FRMD4A: variants seen among roughly 807,000 people sequenced by gnomAD.
The protein encoded by FRMD4A is FERM domain containing 4A, also known as FERM domain-containing protein 4A.
Under a neutral mutation model 129.1 loss-of-function variants are expected in FRMD4A, and 29 were observed. The observed-to-expected ratio is 0.22, with a 90% CI of 0.17 to 0.31. The LOEUF is 0.31. FRMD4A is among the 10% of genes least tolerant of loss of function. The pLI, the probability that FRMD4A is intolerant of heterozygous loss-of-function variation, is 1.00. For synonymous variants in FRMD4A, 634 were observed against 571.6 expected (o/e 1.11, Z -1.56); for missense variants, 1,272 against 1,375.8 (o/e 0.92, Z 1.19).
chr10:13,890,739 A>T, intron 2 of FRMD4A: 1 of 985,400 alleles, frequency 1.0e-6, no homozygotes. Context: ...TGGTGGGGTC[A>T]GGGAGTCCTT....
chr10:14,206,606 T>C (rs1842786496), intron 2 of FRMD4A, among the ~76,000 whole-genome samples: 1 of 151,790 alleles, frequency 6.6e-6, no homozygotes, highest in Non-Finnish European at 1.5e-5. Context: ...ATGACCAGCC[T>C]GGGCAACACG....
chr10:14,297,547 GC>G (rs546212966), intron 2 of FRMD4A, among the ~76,000 whole-genome samples: 52 of 152,302 alleles, frequency 3.4e-4, no homozygotes, highest in African/African-American at 1.1e-3. Flanking sequence ...TGTCTTCAAT[GC>G]TTCCTACCTC....
intron 5 of FRMD4A, among the ~76,000 whole-genome samples, chr10:13,785,042 C>T (rs1164452019): frequency 6.7e-6 from 1 of 149,882 alleles, no homozygotes; most frequent in East Asian, 1.9e-4. Context: ...GATAATAATG[C>T]TACTGTTGCA....
chr10:14,261,189 G>A (rs1369842668), intron 2 of FRMD4A, among the ~76,000 whole-genome samples: 3 of 152,202 alleles, frequency 2.0e-5, no homozygotes, highest in African/African-American at 7.2e-5. Flanking sequence ...CTTGGAGAGA[G>A]TGGCTGCGTG....
intron 15 of FRMD4A, 90 bp from the exon 16 acceptor site, chr10:13,675,134 G>A: frequency 8.3e-7 from 1 of 1,209,354 alleles, no homozygotes; most frequent in Non-Finnish European, 1.2e-6. Context: ...ATGCTGCGGA[G>A]ATGGGATTTA....
intron 2 of FRMD4A, among the ~76,000 whole-genome samples, chr10:14,200,504 G>A (rs1411913504): frequency 6.6e-6 from 1 of 152,182 alleles, no homozygotes; most frequent in East Asian, 1.9e-4. Context: ...TGTTGGCCAG[G>A]CTGATCTCGA....
At chr10:14,109,515 C>T (rs1349231974) in intron 2 of FRMD4A, among the ~76,000 whole-genome samples, 2 of 152,182 alleles carry the variant, frequency 1.3e-5, no homozygotes, top group African/African-American at 4.8e-5. Flanking sequence ...CTGTCATCCC[C>T]TGCACTTAAA....
intron 14 of FRMD4A, among the ~76,000 whole-genome samples, chr10:13,696,376 G>A (rs2086227444): frequency 6.6e-6 from 1 of 152,162 alleles, no homozygotes; most frequent in Non-Finnish European, 1.5e-5. Context: ...CCCAAACGGT[G>A]ATGTAACAAT....
At chr10:13,691,601 C>G (rs917664221) in intron 15 of FRMD4A, among the ~76,000 whole-genome samples, 1 of 152,146 alleles carries the variant, frequency 6.6e-6, no homozygotes, top group African/African-American at 2.4e-5. Context: ...GGTGTAAATT[C>G]TCAGGCTCTC....
chr10:14,162,692 C>A (rs1190804130), intron 2 of FRMD4A, among the ~76,000 whole-genome samples: 1 of 116,940 alleles, frequency 8.6e-6, no homozygotes, highest in East Asian at 2.4e-4. Context: ...AGTATTGCAT[C>A]AGATCTTCCC....
At chr10:14,164,275 G>GC (rs2131874747) in intron 2 of FRMD4A, among the ~76,000 whole-genome samples, 2 of 152,336 alleles carry the variant, frequency 1.3e-5, no homozygotes, top group East Asian at 3.9e-4. Flanking sequence ...AAATAGGCCA[G>GC]CCGCTCTGGC....
chr10:14,089,630 C>CAAAAA (rs59553317), intron 2 of FRMD4A, among the ~76,000 whole-genome samples: 1 of 130,788 alleles, frequency 7.6e-6, no homozygotes, highest in Non-Finnish European at 1.6e-5. Flanking sequence ...AAAAAAAAAA[C>CAAAAA]AAAAAAAAAC....
chr10:14,246,396 C>T (rs1564414711), intron 2 of FRMD4A, among the ~76,000 whole-genome samples: 1 of 152,016 alleles, frequency 6.6e-6, no homozygotes, highest in South Asian at 2.1e-4. Flanking sequence ...CACACACACA[C>T]ACACACACAC....
At chr10:13,879,328 C>T (rs1564960949) in intron 2 of FRMD4A, among the ~76,000 whole-genome samples, 1 of 151,998 alleles carries the variant, frequency 6.6e-6, no homozygotes, top group Non-Finnish European at 1.5e-5. Context: ...AAGACCCCAT[C>T]TCTCAAAAAC....
chr10:14,311,770 A>G (rs887936466), intron 2 of FRMD4A, among the ~76,000 whole-genome samples: 4 of 152,074 alleles, frequency 2.6e-5, no homozygotes, highest in African/African-American at 9.7e-5. Context: ...GACGACTCCT[A>G]TGCAAAGTGA....
chr10:13,943,646 C>CAAAAAAAAAAAAAAAA (rs55774636), intron 2 of FRMD4A, among the ~76,000 whole-genome samples: 11 of 58,264 alleles, frequency 1.9e-4, no homozygotes, highest in African/African-American at 4.5e-4. Context: ...GACTCTGTCT[C>CAAAAAAAAAAAAAAAA]AAAAAAAAAA....
At chr10:13,745,007 G>A (rs2091218705) in intron 9 of FRMD4A, among the ~76,000 whole-genome samples, 1 of 152,272 alleles carries the variant, frequency 6.6e-6, no homozygotes, top group South Asian at 2.1e-4. Context: ...TAGAACAGTA[G>A]GGAAATTATA....
At chr10:14,255,328 T>C (rs1844570614) in intron 2 of FRMD4A, among the ~76,000 whole-genome samples, 1 of 152,174 alleles carries the variant, frequency 6.6e-6, no homozygotes, top group African/African-American at 2.4e-5. Flanking sequence ...GTGCTACCCA[T>C]ATCAGCTGTC....
At chr10:13,714,912 G>A (rs1308313331) in intron 12 of FRMD4A, among the ~76,000 whole-genome samples, 2 of 152,042 alleles carry the variant, frequency 1.3e-5, no homozygotes, top group Non-Finnish European at 2.9e-5. Context: ...GGTGGCTCAC[G>A]CCTGTAGTCC....
Sources: allele counts gnomAD v4.1 joint callset (sites outside exome capture counted in the v4.1 genomes callset), GRCh38; gene constraint gnomAD v4.1.1; transcripts MANE v1.5; gene names NCBI Gene and HGNC (gene_info 2026-07-23, HGNC 2026-07-21).